Variants in GLG1 observed in about 807,000 individuals in gnomAD.
GLG1 encodes golgi glycoprotein 1.
Under a neutral mutation model 160.5 loss-of-function variants are expected in GLG1, and 38 were observed. The ratio of observed to expected loss-of-function variants is 0.24; its 90% confidence interval spans 0.18 to 0.31. The LOEUF (loss-of-function observed/expected upper bound fraction) is 0.31. Among genes scored for constraint, GLG1 ranks in the 10% least tolerant of loss-of-function variants. GLG1 has a pLI of 1.00. For synonymous variants in GLG1, 644 were observed against 543.4 expected (o/e 1.19, Z -2.57); for missense variants, 1,373 against 1,505.2 (o/e 0.91, Z 1.45).
At chr16:74,530,246 C>T (rs1439250000) in intron 2 of GLG1, among the ~76,000 whole-genome samples, 2 of 152,192 alleles carry the variant, frequency 1.3e-5, no homozygotes, top group Non-Finnish European at 2.9e-5. Flanking sequence ...TTTATAGACA[C>T]ATCTCTATCC....
At chr16:74,563,475 TCCA>T (rs1010161521) in intron 1 of GLG1, 6 of 152,234 alleles carry the variant, frequency 3.9e-5, no homozygotes, top group Non-Finnish European at 8.8e-5. Flanking sequence ...ATGCCTGTAA[TCCA>T]AGCACTTTGG....
chr16:74,481,641 T>A (rs1280631456), intron 10 of GLG1, among the ~76,000 whole-genome samples: 1 of 152,178 alleles, frequency 6.6e-6, no homozygotes, highest in East Asian at 1.9e-4. Flanking sequence ...TAAGAATATA[T>A]TGAATCTTCA....
intron 22 of GLG1, among the ~76,000 whole-genome samples, chr16:74,460,877 G>C (rs2014763834): frequency 6.6e-6 from 1 of 152,228 alleles, no homozygotes; most frequent in South Asian, 2.1e-4. Context: ...GCAAACGCTT[G>C]ACATTCACAT....
Position 74,480,263 on chromosome 16 carries a change from C to T in GLG1, c.1805G>A (p.Arg602His). Residue 602 changes from arginine (R) to histidine (H), a missense_variant, in exon 11 of 26, where the codon CGC becomes CAC. Around this residue, in one of 4 missense-constraint regions of GLG1, gnomAD observed 386 missense variants for 388.5 expected, o/e 0.99. Transcript: ENST00000422840. ...TACCCTCCTTCCCTGTTCCTCAGTG[C>T]GGTAGGCGTGTCTGTATAAACAAGA... ...VFSCLYRHAY[R>H]TEEQGRRLSR... 6.2e-7 allele frequency: 1 copy of T among 1,611,522 alleles called. No homozygotes were observed. Among genetic ancestry groups the T allele is most frequent in the South Asian group, 1.1e-5 (1 of 91,014 alleles).
At chr16:74,602,756 C>A (rs905066621) in intron 1 of GLG1, among the ~76,000 whole-genome samples, 1 of 150,154 alleles carries the variant, frequency 6.7e-6, no homozygotes, top group South Asian at 2.1e-4. Context: ...GCACTCCAGC[C>A]TGGGTGACAG....
intron 2 of GLG1, among the ~76,000 whole-genome samples, chr16:74,509,865 A>T (rs1404292531): frequency 6.0e-5 from 9 of 150,762 alleles, no homozygotes; most frequent in South Asian, 2.1e-4. Context: ...AAAAAAAAAA[A>T]TTTGTAGAGA....
At chr16:74,551,611 T>G (rs1364179347) in intron 1 of GLG1, among the ~76,000 whole-genome samples, 1 of 151,442 alleles carries the variant, frequency 6.6e-6, no homozygotes, top group Non-Finnish European at 1.5e-5. Context: ...GCCCAGCCCT[T>G]ATTTTTTTTT....
intron 20 of GLG1, chr16:74,462,944 G>A: frequency 2.4e-6 from 1 of 423,008 alleles, no homozygotes. Flanking sequence ...ACACTTTTGA[G>A]AACACTGAAA....
At chr16:74,567,283 G>C (rs892170454) in intron 1 of GLG1, among the ~76,000 whole-genome samples, 2 of 152,060 alleles carry the variant, frequency 1.3e-5, no homozygotes, top group Non-Finnish European at 2.9e-5. Flanking sequence ...AGGAGGAACA[G>C]AGTTAAGTTC....
chr16:74,522,677 T>A (rs1039224780), intron 2 of GLG1, among the ~76,000 whole-genome samples: 3 of 152,180 alleles, frequency 2.0e-5, no homozygotes, highest in African/African-American at 7.2e-5. Context: ...CTCTTAATAT[T>A]GTATGCTTGT....
rs1269347677 is a variant in GLG1, at chr16:74,607,084, C to T, written c.11G>A (p.Cys4Tyr). 6 of 1,552,010 alleles carry T rather than the reference C, an allele frequency of 3.9e-6. No individual in the cohort carries two copies. The highest frequency in any genetic ancestry group is 1.4e-5 in the African/African-American group (1 of 73,384). ...GCGGAACATCCTCCGTACACGTCCA[C>T]ACGCCGCCATCTTGAGTCCGCGGCG... is the stretch of plus-strand genomic sequence containing the variant. MAA[C>Y]GRVRRMFRLS... The change falls in exon 1 of 26, where the codon TGT becomes TAT. Residue 4 changes from cysteine (C) to tyrosine (Y), a missense_variant. Cys to Tyr is a radical substitution (Grantham distance 194). This residue lies in a region of GLG1 where 322 missense variants were observed against 254.6 expected (regional missense o/e 1.26). Transcript: ENST00000422840.
intron 2 of GLG1, among the ~76,000 whole-genome samples, chr16:74,511,043 C>G (rs1015857299): frequency 6.6e-6 from 1 of 152,086 alleles, no homozygotes; most frequent in East Asian, 1.9e-4. Flanking sequence ...AACCAGAAGT[C>G]CAATGGAGGA....
At chr16:74,602,068 T>C (rs1183976936) in intron 1 of GLG1, among the ~76,000 whole-genome samples, 1 of 152,142 alleles carries the variant, frequency 6.6e-6, no homozygotes, top group Non-Finnish European at 1.5e-5. Context: ...TGTAGTCCAC[T>C]ATCTCAAGTA....
At chr16:74,503,406 A>G in intron 4 of GLG1, 125 bp downstream of exon 4, 1 of 696,382 alleles carries the variant, frequency 1.4e-6, no homozygotes, top group East Asian at 2.5e-5. Flanking sequence ...GGCTGTCTGG[A>G]CAAGTTTCTT....
At position 74,578,822 on chromosome 16, in the gene GLG1, T is replaced by G. The variant is rs550890026; in HGVS notation, c.438+27835A>C. ...TAACATGCAGTATCATAAGTCATTC[T>G]GTGAAAACAAGATTTAGGATAAGGT... On this transcript the variant is annotated intron_variant, in intron 1 of 25. Transcript: ENST00000422840. Among the ~76,000 whole-genome samples the G allele has an allele frequency of 1.1e-3, 172 of 152,368 alleles. 1 individual carries two copies. Among genetic ancestry groups the G allele is most frequent in the Non-Finnish European group, 2.2e-3 (147 of 68,032 alleles).
At chr16:74,555,077 C>T (rs1432631208) in intron 1 of GLG1, among the ~76,000 whole-genome samples, 3 of 152,056 alleles carry the variant, frequency 2.0e-5, no homozygotes, top group East Asian at 3.9e-4. Flanking sequence ...TGTGATAAAA[C>T]GGGAAAAAAG....
At chr16:74,495,280 A>G (rs966984585) in intron 5 of GLG1, among the ~76,000 whole-genome samples, 6 of 151,892 alleles carry the variant, frequency 4.0e-5, no homozygotes, top group African/African-American at 1.5e-4. Flanking sequence ...TGCCCAACTA[A>G]TTTTTTTATT....
chr16:74,462,479 C>A lies in GLG1; in HGVS notation c.2934+9G>T. The stretch of plus-strand genomic sequence containing the variant: ...AATACACCTTTGTGGAGAGCCCAGG[C>A]CAGTTTACCTGGTCAGCATATCTCA... On this transcript the variant is annotated intron_variant, in intron 21 of 25. Transcript: ENST00000422840. 1 of 1,611,960 alleles carries A rather than the reference C, an allele frequency of 6.2e-7. No homozygotes were observed. The highest frequency in any genetic ancestry group is 8.5e-7 in the Non-Finnish European group (1 of 1,178,080).
chr16:74,606,986 T>TGTGGACGCCCTGGCC lies in GLG1; in HGVS notation c.94_108dup (p.Gly32_His36dup). On this transcript the variant is annotated inframe_insertion, in exon 1 of 26. Transcript: ENST00000422840. The stretch of plus-strand genomic sequence containing the variant: ...TTGGCCCCGGGACCCTGGCCCTGGC[T>TGTGGACGCCCTGGCC]GTGGACGCCCTGGCCGGGGAGTTTC... The TGTGGACGCCCTGGCC allele has an allele frequency of 6.2e-7, 1 of 1,607,448 alleles. No homozygotes were observed. Among genetic ancestry groups the TGTGGACGCCCTGGCC allele is most frequent in the Non-Finnish European group, 8.5e-7 (1 of 1,178,606 alleles).
Sources: allele counts gnomAD v4.1 joint callset (sites outside exome capture counted in the v4.1 genomes callset), GRCh38; gene constraint gnomAD v4.1.1; regional missense constraint gnomAD v4.1.1; transcripts MANE v1.5; gene names NCBI Gene and HGNC (gene_info 2026-07-23, HGNC 2026-07-21).